Variants in CTIF observed in about 807,000 individuals in gnomAD.
CTIF encodes the protein CBP80/20-dependent translation initiation factor.
Under a neutral mutation model 66.0 loss-of-function variants are expected in CTIF, and 21 were observed. That is an observed-to-expected ratio of 0.32 (90% confidence interval 0.23 to 0.46). CTIF has a LOEUF of 0.46. Ranked by LOEUF, CTIF falls within the 20% of genes least tolerant of loss-of-function variation. The pLI is 1.00. For missense variants in CTIF, 739 were observed against 812.7 expected (o/e 0.91, Z 1.10); for synonymous variants, 345 against 326.4 (o/e 1.06, Z -0.62).
At chr18:48,787,150 G>C (rs1911782736) in intron 9 of CTIF, among the ~76,000 whole-genome samples, 1 of 152,096 alleles carries the variant, frequency 6.6e-6, no homozygotes. Context: ...AGCTGTGTGG[G>C]GGGCACCGGC....
chr18:48,828,921 G>GCTC (rs2068636779), intron 10 of CTIF, among the ~76,000 whole-genome samples: 1 of 152,146 alleles, frequency 6.6e-6, no homozygotes, highest in South Asian at 2.1e-4. Context: ...TCCCCCGCCT[G>GCTC]CTCCTCCTCC....
chr18:48,604,142 CT>C, intron 1 of CTIF, among the ~76,000 whole-genome samples: 3 of 139,954 alleles, frequency 2.1e-5, no homozygotes, highest in South Asian at 4.7e-4. Flanking sequence ...CCACACCCCG[CT>C]GACTCCGTGA....
intron 6 of CTIF, among the ~76,000 whole-genome samples, chr18:48,689,613 C>A (rs185123290): frequency 1.3e-5 from 2 of 152,158 alleles, no homozygotes; most frequent in African/African-American, 4.8e-5. Context: ...CTGAAAGGAG[C>A]CTTCATGGTT....
chr18:48,815,236 T>C (rs1197202933), intron 9 of CTIF, among the ~76,000 whole-genome samples: 2 of 152,198 alleles, frequency 1.3e-5, no homozygotes, highest in Admixed American at 6.5e-5. Flanking sequence ...CACAAAAACA[T>C]TTTTTGAAAA....
chr18:48,716,951 G>A (rs1345242711), intron 7 of CTIF, among the ~76,000 whole-genome samples: 2 of 152,240 alleles, frequency 1.3e-5, no homozygotes, highest in East Asian at 3.8e-4. Context: ...GGCTCCGCAG[G>A]ACTAGAGGCA....
chr18:48,581,212 T>G (rs2089648825), intron 1 of CTIF, among the ~76,000 whole-genome samples: 1 of 151,220 alleles, frequency 6.6e-6, no homozygotes, highest in Admixed American at 6.6e-5. Flanking sequence ...TTTTTTTTTG[T>G]TTTTGTTTTT....
At chr18:48,609,833 G>T (rs1029522325) in intron 1 of CTIF, among the ~76,000 whole-genome samples, 1 of 152,202 alleles carries the variant, frequency 6.6e-6, no homozygotes, top group East Asian at 1.9e-4. Flanking sequence ...GAGTTGTCTC[G>T]AGGAGGCTCT....
At chr18:48,588,279 C>T (rs760839220) in intron 1 of CTIF, among the ~76,000 whole-genome samples, 14 of 152,220 alleles carry the variant, frequency 9.2e-5, no homozygotes, top group Non-Finnish European at 1.6e-4. Context: ...TTCCAGCATT[C>T]CCCAGAACCC....
intron 10 of CTIF, among the ~76,000 whole-genome samples, chr18:48,849,033 ACT>A (rs1253343057): frequency 3.3e-5 from 5 of 151,492 alleles, no homozygotes; most frequent in East Asian, 1.9e-4. Context: ...AGTGCCAGAG[ACT>A]CTGATGAGTG....
At chr18:48,851,166 G>A (rs1408941895) in intron 10 of CTIF, among the ~76,000 whole-genome samples, 2 of 152,224 alleles carry the variant, frequency 1.3e-5, no homozygotes, top group Non-Finnish European at 2.9e-5. Context: ...CCTGACAGGA[G>A]TTGGGGGAGT....
intron 2 of CTIF, 57 bp from the exon 3 acceptor site, chr18:48,636,557 G>A: frequency 3.0e-6 from 4 of 1,313,614 alleles, no homozygotes; most frequent in Non-Finnish European, 2.0e-6. Flanking sequence ...CAGCCTGGCA[G>A]AGTGAGCATG....
intron 6 of CTIF, among the ~76,000 whole-genome samples, chr18:48,709,026 GCTTA>G (rs759386165): frequency 5.3e-5 from 8 of 152,272 alleles, no homozygotes; most frequent in Non-Finnish European, 1.0e-4. Flanking sequence ...TGACAATGAG[GCTTA>G]CTATGTACCA....
chr18:48,781,062 T>G (rs926332640), intron 9 of CTIF, among the ~76,000 whole-genome samples: 1 of 152,184 alleles, frequency 6.6e-6, no homozygotes, highest in Non-Finnish European at 1.5e-5. Context: ...GCTTCTGGCT[T>G]TGTGAGCCCC....
At chr18:48,678,662 TCCTCGGGAAGAGG>T (rs1161712281) in intron 6 of CTIF, among the ~76,000 whole-genome samples, 2 of 151,768 alleles carry the variant, frequency 1.3e-5, no homozygotes, top group Non-Finnish European at 2.9e-5. Context: ...CTGGGAAAGT[TCCTCGGGAAGAGG>T]CCACTGTCTG....
At chr18:48,735,827 TC>T (rs1387988819) in intron 7 of CTIF, among the ~76,000 whole-genome samples, 15 of 152,214 alleles carry the variant, frequency 9.9e-5, no homozygotes, top group African/African-American at 3.4e-4. Flanking sequence ...CCATCTCCAG[TC>T]CTCCCTGCGA....
intron 3 of CTIF, among the ~76,000 whole-genome samples, chr18:48,652,824 A>G (rs1341805059): frequency 1.3e-5 from 2 of 152,250 alleles, no homozygotes; most frequent in Non-Finnish European, 2.9e-5. Context: ...CTGGTTCAAC[A>G]TATGCAAATC....
At chr18:48,713,283 G>A (rs2092247319) in intron 7 of CTIF, among the ~76,000 whole-genome samples, 1 of 152,078 alleles carries the variant, frequency 6.6e-6, no homozygotes, top group African/African-American at 2.4e-5. Flanking sequence ...TGTCTGGGAG[G>A]TGTGGAGAGT....
intron 9 of CTIF, among the ~76,000 whole-genome samples, chr18:48,788,130 G>A (rs569720992): frequency 6.6e-5 from 10 of 152,298 alleles, no homozygotes; most frequent in Admixed American, 4.6e-4. Flanking sequence ...TTGGATGGCC[G>A]ACCCTCTCTA....
chr18:48,859,636 C>T lies in CTIF; in HGVS notation c.*77C>T, dbSNP rs2069414064. 1 of 1,399,778 alleles carries T rather than the reference C, an allele frequency of 7.1e-7. No individual in the cohort carries two copies. Among genetic ancestry groups the T allele is most frequent in the African/African-American group, 1.4e-5 (1 of 70,406 alleles). 86.7% of individuals were successfully genotyped at this position (1,399,778 alleles called of 1,614,324 possible). On this transcript the variant is annotated 3_prime_UTR_variant, in exon 12 of 12. Coordinates refer to ENST00000256413, the MANE Select transcript of CTIF (RefSeq NM_014772.3). Reference sequence around the variant, plus strand: ...AGGGCCAGATGGACAGGCGGGAGGACAGGGGTGGCCCTGGCGGGAGAAAGA... The same window carrying T: ...AGGGCCAGATGGACAGGCGGGAGGATAGGGGTGGCCCTGGCGGGAGAAAGA...
Sources: gnomAD v4.1 joint callset for allele counts (sites outside exome capture counted in the v4.1 genomes callset) on GRCh38, gnomAD v4.1.1 for gene constraint, MANE v1.5 for transcripts, NCBI Gene and HGNC (gene_info 2026-07-23, HGNC 2026-07-21) for gene names.